The following TMEM132D variants were observed in gnomAD, a reference collection of about 807,000 sequenced individuals.
TMEM132D encodes transmembrane protein 132D.
In TMEM132D, 21 loss-of-function variants were observed where a neutral mutation model predicts 62.3. That is an observed-to-expected ratio of 0.34 (90% CI 0.24 to 0.49). The LOEUF is 0.49. Ranked by LOEUF, TMEM132D falls within the 20% of genes least tolerant of loss-of-function variation. The pLI is 0.99. For synonymous variants in TMEM132D, 621 were observed against 575.6 expected, an observed-to-expected ratio of 1.08 and a Z score of -1.13; for missense variants, 1,346 against 1,402.8, an observed-to-expected ratio of 0.96 and a Z score of 0.65.
intron 4 of TMEM132D, among the ~76,000 whole-genome samples, chr12:129,276,238 C>T (rs182239232): frequency 3.5e-4 from 54 of 152,266 alleles, no homozygotes; most frequent in East Asian, 2.3e-3. Flanking sequence ...AATTTCTCTT[C>T]GTATTATTAC....
intron 1 of TMEM132D, among the ~76,000 whole-genome samples, chr12:129,802,814 C>G (rs1411486320): frequency 6.6e-6 from 1 of 151,184 alleles, no homozygotes; most frequent in African/African-American, 2.4e-5. Flanking sequence ...CAGAGACACA[C>G]ATAGGCTCAA....
Position 129,229,438 on chromosome 12 carries a change from T to C in TMEM132D, c.1300-19775A>G, listed in dbSNP as rs374511436. Reference sequence around the variant, plus strand: ...TGAATATTTAATTTATGTCTGTTGATAGAGTCCTCTTGATAGCATAAAGCA... The same window carrying C: ...TGAATATTTAATTTATGTCTGTTGACAGAGTCCTCTTGATAGCATAAAGCA... On this transcript the variant is annotated intron_variant, in intron 4 of 8. Transcript: ENST00000422113. Among the ~76,000 whole-genome samples, 7 of 152,316 alleles carry C rather than the reference T, an allele frequency of 4.6e-5. No homozygotes were observed. The East Asian group carries it at 1.2e-3, about 25-fold the overall frequency.
intron 2 of TMEM132D, among the ~76,000 whole-genome samples, chr12:129,547,063 C>T (rs1449798762): frequency 6.6e-6 from 1 of 152,120 alleles, no homozygotes; most frequent in Non-Finnish European, 1.5e-5. Flanking sequence ...AAATCACTAG[C>T]TCTCAAGGCC....
At chr12:129,184,629 A>G (rs1276350254) in intron 5 of TMEM132D, among the ~76,000 whole-genome samples, 2 of 152,178 alleles carry the variant, frequency 1.3e-5, no homozygotes, top group African/African-American at 4.8e-5. Flanking sequence ...AGTTCACTGC[A>G]CTTCAGGCAC....
At chr12:129,415,959 C>T (rs370223201) in intron 3 of TMEM132D, among the ~76,000 whole-genome samples, 4 of 152,362 alleles carry the variant, frequency 2.6e-5, no homozygotes, top group African/African-American at 9.6e-5. Flanking sequence ...CTTAACACTG[C>T]TATTCTTCCC....
chr12:129,260,892 C>T (rs537294985), intron 4 of TMEM132D, among the ~76,000 whole-genome samples: 2 of 152,320 alleles, frequency 1.3e-5, no homozygotes, highest in South Asian at 2.1e-4. Context: ...ATATACACCA[C>T]ATTTTCTTTA....
chr12:129,114,434 T>C (rs913147822), intron 5 of TMEM132D, among the ~76,000 whole-genome samples: 9 of 143,766 alleles, frequency 6.3e-5, no homozygotes, highest in African/African-American at 1.8e-4. Context: ...CCCTCCTTCC[T>C]CCCTCCCTCC....
At chr12:129,360,650 G>A (rs1282844319) in intron 3 of TMEM132D, among the ~76,000 whole-genome samples, 4 of 152,092 alleles carry the variant, frequency 2.6e-5, no homozygotes, top group Non-Finnish European at 5.9e-5. Flanking sequence ...TGGGGACTCT[G>A]GCCGGGGATG....
Position 129,081,744 on chromosome 12 carries a change from T to TTC in TMEM132D, c.1923+14_1923+15insGA, listed in dbSNP as rs776362861. On this transcript the variant is annotated intron_variant, in intron 7 of 8. Coordinates refer to ENST00000422113, the MANE Select transcript of TMEM132D (RefSeq NM_133448.3). ...AGAGAGATCTTGATTTGGGGATTTT[T>TTC]TTTTTTTTTTTTACCTGAATGGTGG... is the stretch of plus-strand genomic sequence containing the variant. 1 of 1,522,846 alleles carries TTC rather than the reference T, an allele frequency of 6.6e-7. No homozygotes were observed. Among genetic ancestry groups the TTC allele is most frequent in the Non-Finnish European group, 8.8e-7 (1 of 1,131,334 alleles). The allele number at this position is 1,522,846 out of a possible 1,614,324, so 94.3% of individuals were successfully genotyped here. A position where few individuals can be genotyped will look rare whatever the true frequency, so the allele number is the denominator to read the frequency against.
intron 4 of TMEM132D, among the ~76,000 whole-genome samples, chr12:129,225,797 G>A (rs1029470322): frequency 6.6e-6 from 1 of 152,200 alleles, no homozygotes; most frequent in African/African-American, 2.4e-5. Flanking sequence ...AACCTGCCGT[G>A]CCTTTCAATG....
chr12:129,854,108 C>G (rs544858302), intron 1 of TMEM132D, among the ~76,000 whole-genome samples: 1 of 152,264 alleles, frequency 6.6e-6, no homozygotes, highest in East Asian at 1.9e-4. Context: ...CCACGTTTCC[C>G]ATGTTACGTC....
At chr12:129,752,708 G>C (rs1334181300) in intron 1 of TMEM132D, among the ~76,000 whole-genome samples, 1 of 152,180 alleles carries the variant, frequency 6.6e-6, no homozygotes, top group African/African-American at 2.4e-5. Flanking sequence ...TGCGGGAAAG[G>C]ACAGGGCCCT....
intron 4 of TMEM132D, among the ~76,000 whole-genome samples, chr12:129,244,078 C>A (rs896900648): frequency 4.6e-5 from 7 of 152,164 alleles, no homozygotes; most frequent in Middle Eastern, 3.4e-3. Flanking sequence ...GGAAATGAGC[C>A]CATGAACAAT....
rs118129422 is a variant in TMEM132D at position 129,275,027 on chromosome 12, C to A, written c.1299+62607G>T. Among the ~76,000 whole-genome samples, 60 of 152,262 alleles carry A rather than the reference C, an allele frequency of 3.9e-4. No homozygotes were observed. In the East Asian group the frequency reaches 0.011, roughly 28 times the overall value. On this transcript the variant is annotated intron_variant, in intron 4 of 8. Transcript: ENST00000422113. ...AGATACAGTGGCTCAGGCCTGTAATCCTAGCACTTTGGGAGGTTGAGGCGG... is the reference window on the plus strand; with the variant it reads ...AGATACAGTGGCTCAGGCCTGTAATACTAGCACTTTGGGAGGTTGAGGCGG...
At chr12:129,629,825 G>A (rs757688961) in intron 2 of TMEM132D, among the ~76,000 whole-genome samples, 1 of 152,148 alleles carries the variant, frequency 6.6e-6, no homozygotes, top group Non-Finnish European at 1.5e-5. Context: ...ACATGACCTA[G>A]CTTGGCTTGT....
Position 129,820,059 on chromosome 12 carries a change from C to T in TMEM132D, c.79+83202G>A, listed in dbSNP as rs117968827. On this transcript the variant is annotated intron_variant, in intron 1 of 8. Transcript: ENST00000422113. ...CACCTCCTCCTCCCCTGGTTCCTCTCACCTGGCACTCTTTTTTGTCTGAAG... is the reference window on the plus strand; with the variant it reads ...CACCTCCTCCTCCCCTGGTTCCTCTTACCTGGCACTCTTTTTTGTCTGAAG... 2.0e-4 allele frequency among the ~76,000 whole-genome samples: 31 copies of T among 152,284 alleles called. No individual in the cohort carries two copies. The East Asian group carries it at 6.0e-3, about 29-fold the overall frequency.
intron 1 of TMEM132D, among the ~76,000 whole-genome samples, chr12:129,868,552 C>T (rs1173691729): frequency 6.6e-6 from 1 of 152,142 alleles, no homozygotes; most frequent in Non-Finnish European, 1.5e-5. Context: ...CCGCTGTGGT[C>T]AAGTCAACTC....
chr12:129,801,919 A>C (rs1309528736), intron 1 of TMEM132D, among the ~76,000 whole-genome samples: 3 of 151,810 alleles, frequency 2.0e-5, no homozygotes, highest in Non-Finnish European at 2.9e-5. Context: ...GATGCGATCA[A>C]CTGGAAGAAA....
chr12:129,323,341 T>A (rs555625589), intron 4 of TMEM132D, among the ~76,000 whole-genome samples: 2 of 152,204 alleles, frequency 1.3e-5, no homozygotes, highest in African/African-American at 2.4e-5. Flanking sequence ...ATTAGAGAAA[T>A]TGATATAAAT....
Sources: allele counts gnomAD v4.1 joint callset (sites outside exome capture counted in the v4.1 genomes callset), GRCh38; gene constraint gnomAD v4.1.1; transcripts MANE v1.5; gene names NCBI Gene and HGNC (gene_info 2026-07-23, HGNC 2026-07-21).